The following CHIA variants were observed in gnomAD, a reference collection of about 807,000 sequenced individuals.
The protein encoded by CHIA is chitinase acidic.
Under a neutral mutation model 53.5 loss-of-function variants are expected in CHIA, and 47 were observed. The ratio of observed to expected loss-of-function variants is 0.88; its 90% CI spans 0.70 to 1.12. CHIA has a LOEUF of 1.12. Ranked by LOEUF, CHIA falls within the 50% of genes most tolerant of loss-of-function variation. CHIA has a pLI of 0.00. For synonymous variants in CHIA, 268 were observed against 222.2 expected (o/e 1.21, Z -1.83); for missense variants, 652 against 592.2 (o/e 1.10, Z -1.05).
intron 1 of CHIA, among the ~76,000 whole-genome samples, chr1:111,303,763 G>A (rs1647955984): frequency 6.6e-6 from 1 of 152,144 alleles, no homozygotes; most frequent in Non-Finnish European, 1.5e-5. Context: ...AGAACAAAAA[G>A]TGGAGTTACA....
chr1:111,317,937 T>C, intron 7 of CHIA, 49 bp from the exon 8 acceptor site: 1 of 1,613,240 alleles, frequency 6.2e-7, no homozygotes, highest in South Asian at 1.1e-5. Flanking sequence ...CCTGCATAGG[T>C]GTGGGAAATG....
intron 1 of CHIA, among the ~76,000 whole-genome samples, chr1:111,301,690 G>A (rs1383934441): frequency 8.2e-6 from 1 of 122,308 alleles, no homozygotes; most frequent in East Asian, 2.7e-4. Flanking sequence ...GGGCAACAAA[G>A]CAAGACTCTC....
At chr1:111,314,697 T>C in intron 5 of CHIA, 101 bp downstream of exon 5, 1 of 784,364 alleles carries the variant, frequency 1.3e-6, no homozygotes. Flanking sequence ...AGACAGGGTA[T>C]TGAGGATGTA....
chr1:111,311,389 T>G (rs1293484668), intron 2 of CHIA, among the ~76,000 whole-genome samples: 3 of 152,220 alleles, frequency 2.0e-5, no homozygotes, highest in African/African-American at 7.2e-5. Context: ...TTGACTACAG[T>G]GATCAGTTGG....
intron 1 of CHIA, among the ~76,000 whole-genome samples, chr1:111,304,989 A>G (rs1302063761): frequency 6.6e-6 from 1 of 152,006 alleles, no homozygotes; most frequent in Non-Finnish European, 1.5e-5. Flanking sequence ...GCCTCAAACT[A>G]CTGAGTTCAA....
intron 1 of CHIA, among the ~76,000 whole-genome samples, chr1:111,298,932 A>G (rs941435383): frequency 1.3e-5 from 2 of 152,234 alleles, no homozygotes; most frequent in Non-Finnish European, 2.9e-5. Context: ...CAGAAATACA[A>G]ACTACCATCA....
chr1:111,291,877 A>G (rs1557728388), intron 1 of CHIA, among the ~76,000 whole-genome samples: 1 of 151,978 alleles, frequency 6.6e-6, no homozygotes, highest in East Asian at 1.9e-4. Context: ...GAGCTAAAGC[A>G]TGTGGGGCTT....
At position 111,320,422 on chromosome 1, in the gene CHIA, G is replaced by C; in HGVS notation, c.1387G>C (p.Gly463Arg). 4 of 1,614,178 alleles carry C rather than the reference G, an allele frequency of 2.5e-6. No homozygotes were observed. Among genetic ancestry groups the C allele is most frequent in the Non-Finnish European group, 3.4e-6 (4 of 1,180,024 alleles). The change falls in exon 12 of 12, where the codon GGG becomes CGG. Residue 463 changes from glycine (G) to arginine (R), a missense_variant. Transcript: ENST00000369740. ...GVTYQQNCQA[G>R]LVFDTSCDCC... Reference sequence around the variant, plus strand: ...CACGTACCAGCAGAACTGCCAGGCCGGGCTTGTCTTCGACACCAGCTGTGA... The same window carrying C: ...CACGTACCAGCAGAACTGCCAGGCCCGGCTTGTCTTCGACACCAGCTGTGA...
intron 1 of CHIA, among the ~76,000 whole-genome samples, chr1:111,303,031 T>A (rs1248464119): frequency 6.6e-6 from 1 of 152,276 alleles, no homozygotes; most frequent in East Asian, 1.9e-4. Flanking sequence ...GTACATTTTT[T>A]AATTTATAAT....
intron 1 of CHIA, among the ~76,000 whole-genome samples, chr1:111,308,482 G>T (rs575644214): frequency 6.6e-6 from 1 of 152,286 alleles, no homozygotes; most frequent in East Asian, 1.9e-4. Context: ...CAGCAAAATT[G>T]GTGTGATAGT....
intron 1 of CHIA, among the ~76,000 whole-genome samples, chr1:111,298,761 GAC>G (rs943813610): frequency 3.3e-5 from 5 of 152,050 alleles, no homozygotes; most frequent in Non-Finnish European, 5.9e-5. Flanking sequence ...AAGAGACAGA[GAC>G]ACAAAAAACC....
chr1:111,295,539 G>A (rs1405836891), intron 1 of CHIA, among the ~76,000 whole-genome samples: 1 of 152,182 alleles, frequency 6.6e-6, no homozygotes, highest in Non-Finnish European at 1.5e-5. Flanking sequence ...AGGCAAGATG[G>A]CCAAAGAGGA....
chr1:111,310,379 G>C, intron 1 of CHIA, 21 bp from the exon 2 acceptor site: 1 of 1,600,288 alleles, frequency 6.2e-7, no homozygotes, highest in Non-Finnish European at 8.5e-7. Context: ...ACACATCTGG[G>C]TCAAATTGTT....
chr1:111,301,168 A>T (rs1401216762), intron 1 of CHIA, among the ~76,000 whole-genome samples: 4 of 152,206 alleles, frequency 2.6e-5, no homozygotes, highest in Non-Finnish European at 5.9e-5. Flanking sequence ...GGAAGACAGT[A>T]TGGTAATTCC....
chr1:111,294,448 A>T (rs921638079), intron 1 of CHIA, among the ~76,000 whole-genome samples: 1 of 152,056 alleles, frequency 6.6e-6, no homozygotes, highest in Non-Finnish European at 1.5e-5. Context: ...GCTCTGACAA[A>T]ATTTTTGGTG....
chr1:111,318,863 T>A (rs1167070787), intron 9 of CHIA, among the ~76,000 whole-genome samples, 185 bp downstream of exon 9: 1 of 152,208 alleles, frequency 6.6e-6, no homozygotes, highest in Admixed American at 6.5e-5. Context: ...ATGCATAATA[T>A]CCCTTCACAC....
Position 111,317,791 on chromosome 1 carries a change from C to T in CHIA, c.591C>T (p.Ile197=), listed in dbSNP as rs1038465937. ...GISNIQSGYE[I]PQLSQYLDYI... is the part of the protein sequence containing the mutation. Reference sequence around the variant, plus strand: ...CCAATATCCAGTCTGGCTATGAGATCCCCCAACTGTCACAGTGAGTGATGT... The same window carrying T: ...CCAATATCCAGTCTGGCTATGAGATTCCCCAACTGTCACAGTGAGTGATGT... Residue 197 remains isoleucine, a synonymous_variant, in exon 7 of 12, where the codon ATC becomes ATT. Transcript: ENST00000369740. The T allele has an allele frequency of 6.2e-7, 1 of 1,613,106 alleles. No homozygotes were observed.
At position 111,320,518 on chromosome 1, in the gene CHIA, T is replaced by A. The variant is rs768276405; in HGVS notation, c.*52T>A. ...GTTCCAGTCTCTTTTGCTTAGGACA[T>A]GTTGCCCCTACCTAAAGTCCTGCAA... On this transcript the variant is annotated 3_prime_UTR_variant, in exon 12 of 12. Coordinates refer to ENST00000369740, the MANE Select transcript of CHIA (RefSeq NM_201653.4). The A allele has an allele frequency of 1.3e-6, 2 of 1,545,070 alleles. No homozygotes were observed. Among genetic ancestry groups the A allele is most frequent in the Non-Finnish European group, 1.8e-6 (2 of 1,123,324 alleles).
At chr1:111,309,978 A>G (rs7543074) in intron 1 of CHIA, among the ~76,000 whole-genome samples, 20,079 of 152,226 alleles carry the variant, frequency 0.13, 1,543 homozygotes, top group African/African-American at 0.19. Context: ...CACCTAAAGA[A>G]GGAAGATTTC....
Sources: allele counts gnomAD v4.1 joint callset (sites outside exome capture counted in the v4.1 genomes callset), GRCh38; gene constraint gnomAD v4.1.1; transcripts MANE v1.5; gene names NCBI Gene and HGNC (gene_info 2026-07-23, HGNC 2026-07-21).